The following RHPN2 variants were observed in gnomAD, a reference collection of about 807,000 sequenced individuals.
RHPN2 encodes rhophilin-2.
RHPN2 carries 40 observed loss-of-function variants against 79.0 expected under a neutral mutation model. The observed-to-expected ratio is 0.51, with a 90% confidence interval of 0.39 to 0.66. The LOEUF (loss-of-function observed/expected upper bound fraction) is 0.66. Among genes scored for constraint, RHPN2 ranks in the 30% least tolerant of loss-of-function variants. RHPN2 has a pLI of 0.00. For missense variants in RHPN2, 686 were observed against 883.5 expected (o/e 0.78, Z 2.83); for synonymous variants, 285 against 363.5 (o/e 0.78, Z 2.46).
At chr19:33,028,685 A>G (rs7247770) in intron 2 of RHPN2, among the ~76,000 whole-genome samples, 2,165 of 152,298 alleles carry the variant, frequency 0.014, 32 homozygotes, top group Middle Eastern at 0.037. Context: ...TAGTTGGTAC[A>G]TTCATTCAAT....
chr19:33,050,379 T>C (rs1972176985), intron 1 of RHPN2, among the ~76,000 whole-genome samples: 1 of 152,190 alleles, frequency 6.6e-6, no homozygotes, highest in Non-Finnish European at 1.5e-5. Flanking sequence ...TGTATCTCAA[T>C]TTTCTGAATT....
At chr19:33,047,723 C>T (rs1234778910) in intron 1 of RHPN2, among the ~76,000 whole-genome samples, 2 of 152,118 alleles carry the variant, frequency 1.3e-5, no homozygotes, top group Non-Finnish European at 2.9e-5. Flanking sequence ...CCTCAGGAAT[C>T]CCAGTATTCT....
intron 1 of RHPN2, among the ~76,000 whole-genome samples, chr19:33,054,140 G>C (rs1972211994): frequency 6.6e-6 from 1 of 151,902 alleles, no homozygotes; most frequent in Non-Finnish European, 1.5e-5. Context: ...TGGGATCATA[G>C]GTGTGAGCCA....
intron 13 of RHPN2, among the ~76,000 whole-genome samples, chr19:32,991,586 A>G (rs1328576926): frequency 1.3e-5 from 2 of 152,328 alleles, no homozygotes; most frequent in Admixed American, 6.5e-5. Flanking sequence ...GAGCCCTGAG[A>G]TCGCGCCACT....
intron 2 of RHPN2, among the ~76,000 whole-genome samples, chr19:33,034,025 A>ATTTTTTTTTTTAATTTTAG (rs1555713548): frequency 0.03 from 4,399 of 146,508 alleles, 154 homozygotes; most frequent in African/African-American, 0.092. Flanking sequence ...TTGGCAAAAC[A>ATTTTTTTTTTTAATTTTAG]TTTTTTTTTT....
chr19:33,016,888 T>A (rs1027362134), intron 4 of RHPN2, among the ~76,000 whole-genome samples: 25 of 152,244 alleles, frequency 1.6e-4, no homozygotes, highest in African/African-American at 5.8e-4. Context: ...CTCATTTTCA[T>A]ATGACTGACA....
intron 1 of RHPN2, among the ~76,000 whole-genome samples, chr19:33,050,567 T>A (rs1347081807): frequency 6.6e-6 from 1 of 152,230 alleles, no homozygotes; most frequent in Non-Finnish European, 1.5e-5. Flanking sequence ...TTTGTCTGCT[T>A]TTGAACTATG....
chr19:33,026,642 G>T lies in RHPN2; in HGVS notation c.186-10C>A. 6.2e-7 allele frequency: 1 copy of T among 1,603,474 alleles called. No homozygotes were observed. The highest frequency in any genetic ancestry group is 8.5e-7 in the Non-Finnish European group (1 of 1,178,032). On this transcript the variant is annotated splice_polypyrimidine_tract_variant and intron_variant, in intron 2 of 14. Transcript: ENST00000254260. ...TGAGTTTGTGGCCACTCTGTTCAAA[G>T]AGAAGAGGGAGAGAAGTGCCCTCAG...
At chr19:32,994,689 C>T (rs370987520) in intron 11 of RHPN2, among the ~76,000 whole-genome samples, 6 of 151,922 alleles carry the variant, frequency 3.9e-5, no homozygotes, top group South Asian at 2.1e-4. Flanking sequence ...AGGCCAGGCA[C>T]GGTGGCTAAT....
chr19:33,047,535 C>T (rs186904269), intron 1 of RHPN2, among the ~76,000 whole-genome samples: 12 of 152,260 alleles, frequency 7.9e-5, no homozygotes, highest in Admixed American at 3.3e-4. Flanking sequence ...CTGCCCACTG[C>T]GGTTACTCCC....
chr19:33,057,808 G>A (rs988775786), intron 1 of RHPN2, among the ~76,000 whole-genome samples: 4 of 152,020 alleles, frequency 2.6e-5, no homozygotes, highest in South Asian at 2.1e-4. Context: ...GCTAAGTTAT[G>A]TCTTGAGGCT....
intron 3 of RHPN2, among the ~76,000 whole-genome samples, chr19:33,025,648 A>G (rs560956052): frequency 1.3e-5 from 2 of 152,234 alleles, no homozygotes; most frequent in African/African-American, 4.8e-5. Flanking sequence ...TACAGGGTCA[A>G]TTTTGGCCTT....
chr19:33,017,205 C>A (rs1179730963), intron 4 of RHPN2, among the ~76,000 whole-genome samples: 1 of 151,804 alleles, frequency 6.6e-6, no homozygotes, highest in Non-Finnish European at 1.5e-5. Flanking sequence ...ATGGTGAAAC[C>A]ATGTCTCTAC....
intron 3 of RHPN2, among the ~76,000 whole-genome samples, chr19:33,024,082 A>C (rs1971947210): frequency 6.6e-6 from 1 of 152,196 alleles, no homozygotes; most frequent in South Asian, 2.1e-4. Flanking sequence ...ACTGGAATTG[A>C]ACACCAGAGC....
intron 1 of RHPN2, among the ~76,000 whole-genome samples, chr19:33,052,538 A>C (rs1286923526): frequency 1.3e-5 from 2 of 152,184 alleles, no homozygotes; most frequent in East Asian, 3.9e-4. Flanking sequence ...CCCTCACTCA[A>C]CCACCAAACT....
intron 6 of RHPN2, 70 bp from the exon 7 acceptor site, chr19:33,008,250 C>CA: frequency 9.2e-7 from 1 of 1,084,138 alleles, no homozygotes; most frequent in South Asian, 1.4e-5. Context: ...GGAAAAAATT[C>CA]TTTTTTTTTT....
At chr19:33,064,382 A>G (rs904260194) in intron 1 of RHPN2, among the ~76,000 whole-genome samples, 2 of 150,570 alleles carry the variant, frequency 1.3e-5, no homozygotes, top group African/African-American at 4.9e-5. Flanking sequence ...CCGCGCTCCC[A>G]CCAAGCGCTC....
intron 14 of RHPN2, among the ~76,000 whole-genome samples, chr19:32,983,653 C>T (rs1217772449): frequency 4.0e-5 from 5 of 124,734 alleles, no homozygotes; most frequent in Non-Finnish European, 1.6e-5. Flanking sequence ...TTTTTTGAGA[C>T]GGAGTCTTAC....
chr19:33,033,216 C>T (rs1029079585), intron 2 of RHPN2, among the ~76,000 whole-genome samples: 2 of 152,074 alleles, frequency 1.3e-5, no homozygotes, highest in African/African-American at 4.8e-5. Context: ...AGACTACTCC[C>T]TCTAGGCAGT....
Sources: allele counts gnomAD v4.1 joint callset (sites outside exome capture counted in the v4.1 genomes callset), GRCh38; gene constraint gnomAD v4.1.1; transcripts MANE v1.5; gene names NCBI Gene and HGNC (gene_info 2026-07-23, HGNC 2026-07-21).